The following DNAH14 variants were observed in gnomAD, a reference collection of about 807,000 sequenced individuals.
The protein encoded by DNAH14 is dynein axonemal heavy chain 14, also known as axonemal beta dynein heavy chain 14.
Under a neutral mutation model 520.9 loss-of-function variants are expected in DNAH14, and 478 were observed. The ratio of observed to expected loss-of-function variants is 0.92; its 90% CI spans 0.85 to 0.99. The LOEUF is 0.99. DNAH14 is among the 50% of genes least tolerant of loss of function. The pLI is 0.00. For missense variants in DNAH14, 4,831 were observed against 5,234.5 expected (o/e 0.92, Z 2.38); for synonymous variants, 1,581 against 1,757.2 (o/e 0.90, Z 2.51).
In DNAH14 at chr1:225,023,842, A is replaced by G; in HGVS notation, c.1335A>G (p.Glu445=). ...NGSAGMPFSV[E]KKNENLIRTF... Reference sequence around the variant, plus strand: ...CTGCTGGAATGCCATTTTCAGTGGAAAAAAAGAATGAAAATCTTATCAGGT... The same window carrying G: ...CTGCTGGAATGCCATTTTCAGTGGAGAAAAAGAATGAAAATCTTATCAGGT... The change falls in exon 11 of 86, where the codon GAA becomes GAG. Residue 445 remains glutamate, a synonymous_variant. Coordinates refer to ENST00000682510, the MANE Select transcript of DNAH14 (RefSeq NM_001367479.1). 6.5e-7 allele frequency: 1 copy of G among 1,528,634 alleles called. No homozygotes were observed. Among genetic ancestry groups the G allele is most frequent in the African/African-American group, 1.4e-5 (1 of 72,644 alleles). 94.7% of individuals were successfully genotyped at this position (1,528,634 alleles called of 1,614,324 possible). A position where few individuals can be genotyped will look rare whatever the true frequency, so the allele number is the denominator to read the frequency against.
chr1:225,383,627 T>C (rs1254995378), intron 81 of DNAH14, among the ~76,000 whole-genome samples: 2 of 152,162 alleles, frequency 1.3e-5, no homozygotes, highest in Non-Finnish European at 2.9e-5. Context: ...ACTAGCACAT[T>C]CAGAGACGAG....
intron 28 of DNAH14, among the ~76,000 whole-genome samples, chr1:225,143,068 T>C (rs780163759): frequency 3.3e-5 from 5 of 152,112 alleles, no homozygotes; most frequent in South Asian, 2.1e-4. Flanking sequence ...GACCTAAAAC[T>C]AACAAAAGAA....
chr1:225,247,888 G>C lies in DNAH14; in HGVS notation c.6749-4413G>C, dbSNP rs559702529. ...CAAAAAACTAGCCAGGCACGGTGGC[G>C]GGCGCCTGTAGTCCCAGCTACTGGG... is the stretch of plus-strand genomic sequence containing the variant. On this transcript the variant is annotated intron_variant, in intron 43 of 85. Coordinates refer to ENST00000682510, the MANE Select transcript of DNAH14 (RefSeq NM_001367479.1). Among the ~76,000 whole-genome samples the C allele has an allele frequency of 7.1e-4, 108 of 152,140 alleles. 1 individual carries two copies. The highest frequency in any genetic ancestry group is 2.5e-3 in the African/African-American group (105 of 41,518).
At chr1:225,324,627 A>G in intron 63 of DNAH14, 110 bp from the exon 64 acceptor site, 1 of 1,090,708 alleles carries the variant, frequency 9.2e-7, no homozygotes, top group Non-Finnish European at 1.3e-6. Context: ...TAGTTCTAGG[A>G]AAGTTTAATT....
intron 64 of DNAH14, among the ~76,000 whole-genome samples, chr1:225,327,354 G>A (rs1384597092): frequency 6.6e-6 from 1 of 151,766 alleles, no homozygotes; most frequent in South Asian, 2.1e-4. Flanking sequence ...GTAGAGACGG[G>A]GTTTCACCGT....
At chr1:225,322,286 G>A (rs148759763) in intron 61 of DNAH14, among the ~76,000 whole-genome samples, 2,153 of 151,266 alleles carry the variant, frequency 0.014, 47 homozygotes, top group African/African-American at 0.048. Flanking sequence ...ACCGGGTTTC[G>A]CCATGTTGGC....
chr1:225,283,879 G>C (rs567603109), intron 54 of DNAH14, among the ~76,000 whole-genome samples: 1 of 152,058 alleles, frequency 6.6e-6, no homozygotes, highest in Non-Finnish European at 1.5e-5. Flanking sequence ...CCAACAAAAG[G>C]AAAGTTGGGA....
chr1:225,387,139 A>G (rs1010583443), intron 81 of DNAH14, among the ~76,000 whole-genome samples: 3 of 152,164 alleles, frequency 2.0e-5, no homozygotes, highest in African/African-American at 7.2e-5. Context: ...TTGCAAGGAC[A>G]GAAAACCAAA....
chr1:225,134,300 T>A (rs2078757835), intron 27 of DNAH14, among the ~76,000 whole-genome samples: 2 of 152,210 alleles, frequency 1.3e-5, no homozygotes, highest in African/African-American at 4.8e-5. Context: ...CCTTGTTTTA[T>A]GCCAGTTTTC....
chr1:225,168,094 G>T, intron 36 of DNAH14, 66 bp downstream of exon 36: 1 of 912,402 alleles, frequency 1.1e-6, no homozygotes, highest in Non-Finnish European at 1.6e-6. Flanking sequence ...TAAAATAAAG[G>T]GCAAAAATAA....
At chr1:224,954,723 G>T (rs2060400923) in intron 2 of DNAH14, 1 of 299,562 alleles carries the variant, frequency 3.3e-6, no homozygotes. Context: ...TGTAAATGTT[G>T]CAGATCTTTT....
rs1332638982 is a variant in DNAH14, at chr1:225,007,444, A to G, written c.1007A>G (p.Glu336Gly). 1 of 1,539,380 alleles carries G rather than the reference A, an allele frequency of 6.5e-7. No homozygotes were observed. The highest frequency in any genetic ancestry group is 2.0e-5 in the Admixed American group (1 of 50,044). ...LDSSRTYSLD[E>G]FCEEQLQQAT... is the part of the protein sequence containing the mutation. ...AGTTCTCGAACATATTCTCTAGATG[A>G]ATTTTGTGAAGAGCAGTTACAGCAA... is the stretch of plus-strand genomic sequence containing the variant. Residue 336 changes from glutamate to glycine, a missense_variant, in exon 10 of 86, where the codon GAA (glutamate) becomes GGA (glycine). Coordinates refer to ENST00000682510, the MANE Select transcript of DNAH14 (RefSeq NM_001367479.1).
At chr1:225,057,288 G>T (rs2069248035) in intron 17 of DNAH14, among the ~76,000 whole-genome samples, 1 of 152,148 alleles carries the variant, frequency 6.6e-6, no homozygotes, top group South Asian at 2.1e-4. Flanking sequence ...TATTCTCCTT[G>T]CAGCAATTGT....
At position 224,943,933 on chromosome 1, in the gene DNAH14, A is replaced by T. The variant is rs185354237; in HGVS notation, c.-33-8737A>T. 1.9e-3 allele frequency among the ~76,000 whole-genome samples: 291 copies of T among 152,236 alleles called. 2 individuals carry two copies. The highest frequency in any genetic ancestry group is 0.017 in the Admixed American group (261 of 15,278). On this transcript the variant is annotated intron_variant, in intron 1 of 85. Coordinates refer to ENST00000682510, the MANE Select transcript of DNAH14 (RefSeq NM_001367479.1). ...CTTCCAACTATGTGGTCAATTTTTGAATAAGTGCGGTGTGGTGCTGAGAAG... is the reference window on the plus strand; with the variant it reads ...CTTCCAACTATGTGGTCAATTTTTGTATAAGTGCGGTGTGGTGCTGAGAAG...
rs535289702 is a variant in DNAH14 at position 225,104,933 on chromosome 1, G to T, written c.3867+4049G>T. ...TATTTCTTGCCTTCTGCAAGCTTTT[G>T]AATGTGTTTGCTCTTGCTTCTCTAG... On this transcript the variant is annotated intron_variant, in intron 23 of 85. Coordinates refer to ENST00000682510, the MANE Select transcript of DNAH14 (RefSeq NM_001367479.1). Among the ~76,000 whole-genome samples the T allele has an allele frequency of 2.6e-5, 4 of 152,248 alleles. No homozygotes were observed. The East Asian group carries it at 7.7e-4, about 29-fold the overall frequency.
chr1:225,003,258 G>T (rs1482279), intron 9 of DNAH14, among the ~76,000 whole-genome samples: 22,931 of 151,860 alleles, frequency 0.15, 3,197 homozygotes, highest in African/African-American at 0.36. Context: ...TGTCAAGATA[G>T]TATCATAAGC....
chr1:225,146,523 T>C (rs2079959071), intron 30 of DNAH14, among the ~76,000 whole-genome samples: 1 of 152,204 alleles, frequency 6.6e-6, no homozygotes, highest in African/African-American at 2.4e-5. Context: ...CACAGAACAC[T>C]GCTGCACCTG....
At chr1:224,954,829 A>G (rs941208701) in intron 2 of DNAH14, 130 bp from the exon 3 acceptor site, 2 of 644,056 alleles carry the variant, frequency 3.1e-6, no homozygotes, top group Non-Finnish European at 5.3e-6. Flanking sequence ...CATGTTAACC[A>G]TAGCATTTAT....
At chr1:224,964,348 A>G (rs2061022258) in intron 4 of DNAH14, 131 bp from the exon 5 acceptor site, 1 of 1,043,018 alleles carries the variant, frequency 9.6e-7, no homozygotes, top group South Asian at 3.9e-5. Flanking sequence ...TTTCTCCTCT[A>G]ATAATCGTTA....
Sources: gnomAD v4.1 joint callset for allele counts (sites outside exome capture counted in the v4.1 genomes callset) on GRCh38, gnomAD v4.1.1 for gene constraint, MANE v1.5 for transcripts, NCBI Gene and HGNC (gene_info 2026-07-23, HGNC 2026-07-21) for gene names.